DLL4: variants seen among roughly 807,000 people sequenced by gnomAD.
The protein encoded by DLL4 is delta like canonical Notch ligand 4.
Under a neutral mutation model 73.6 loss-of-function variants are expected in DLL4, and 7 were observed. The ratio of observed to expected loss-of-function variants is 0.10; its 90% confidence interval spans 0.05 to 0.18. DLL4 has a LOEUF of 0.18. DLL4 is among the 10% of genes least tolerant of loss of function. The pLI is 1.00. For synonymous variants in DLL4, 345 were observed against 374.3 expected, an observed-to-expected ratio of 0.92 and a Z score of 0.90; for missense variants, 614 against 929.9, an observed-to-expected ratio of 0.66 and a Z score of 4.42.
At position 40,938,304 on chromosome 15, in the gene DLL4, A is replaced by C. The variant is rs1446168903; in HGVS notation, c.*270A>C. ...AGATGCCACTGGGCACTGCCCTGCCAGTAGTGGCCTTCAGGGGGCTCCTTC... is the reference window on the plus strand; with the variant it reads ...AGATGCCACTGGGCACTGCCCTGCCCGTAGTGGCCTTCAGGGGGCTCCTTC... On this transcript the variant is annotated 3_prime_UTR_variant, in exon 11 of 11. Coordinates refer to ENST00000249749, the MANE Select transcript of DLL4 (RefSeq NM_019074.4). 3 of 363,492 alleles carry C rather than the reference A, an allele frequency of 8.3e-6. No homozygotes were observed. The highest frequency in any genetic ancestry group is 1.5e-5 in the Non-Finnish European group (3 of 203,502). 22.5% of individuals were successfully genotyped at this position (363,492 alleles called of 1,614,324 possible).
At chr15:40,931,809 C>T in intron 4 of DLL4, 43 bp downstream of exon 4, 1 of 1,607,414 alleles carries the variant, frequency 6.2e-7, no homozygotes, top group Non-Finnish European at 8.5e-7. Flanking sequence ...GGAGGGTCCC[C>T]TGAGGAAACA....
chr15:40,937,284 C>G (rs189239136), intron 9 of DLL4, 134 bp from the exon 10 acceptor site: 337 of 719,668 alleles, frequency 4.7e-4, no homozygotes, highest in Non-Finnish European at 7.3e-4. Flanking sequence ...TGCAGCAGCC[C>G]AGCACTGGGC....
intron 6 of DLL4, 148 bp from the exon 7 acceptor site, chr15:40,934,400 T>G: frequency 1.7e-6 from 1 of 603,336 alleles, no homozygotes; most frequent in Non-Finnish European, 2.8e-6. Context: ...AAAGATTTTA[T>G]TGGTGGTGGA....
Position 40,934,629 on chromosome 15 carries a change from C to T in DLL4, c.932C>T (p.Thr311Ile), listed in dbSNP as rs766426309. ...SNSGQRSYTC[T>I]CRPGYTGVDC... The stretch of plus-strand genomic sequence containing the variant: ...AGTGGGCAGCGAAGCTACACCTGCA[C>T]CTGTCGCCCAGGCTACACTGGTGTG... The change falls in exon 7 of 11, where the codon ACC becomes ATC. Residue 311 changes from threonine to isoleucine, a missense_variant. Around this residue, in one of 3 missense-constraint regions of DLL4, gnomAD observed 386 missense variants for 541.3 expected, o/e 0.71. Transcript: ENST00000249749. 7.4e-6 allele frequency: 12 copies of T among 1,613,818 alleles called. No homozygotes were observed. Among genetic ancestry groups the T allele is most frequent in the Non-Finnish European group, 9.3e-6 (11 of 1,179,888 alleles).
At chr15:40,934,823 G>T in intron 7 of DLL4, 75 bp from the exon 8 acceptor site, 1 of 1,585,916 alleles carries the variant, frequency 6.3e-7, no homozygotes, top group Non-Finnish European at 8.6e-7. Flanking sequence ...ATTGTGGGCA[G>T]GTGGAGCCCA....
intron 6 of DLL4, among the ~76,000 whole-genome samples, chr15:40,932,779 C>G (rs528588711): frequency 4.6e-5 from 7 of 152,124 alleles, no homozygotes; most frequent in Non-Finnish European, 8.8e-5. Flanking sequence ...CTTTCAACCC[C>G]GTAGTTACCT....
intron 6 of DLL4, 133 bp downstream of exon 6, chr15:40,932,580 T>A: frequency 4.1e-6 from 5 of 1,233,442 alleles, no homozygotes; most frequent in Non-Finnish European, 5.6e-6. Flanking sequence ...TCCAAGGATC[T>A]TGGGTCTTTT....
At chr15:40,931,788 T>C in intron 4 of DLL4, 22 bp downstream of exon 4, 1 of 1,611,936 alleles carries the variant, frequency 6.2e-7, no homozygotes, top group Non-Finnish European at 8.5e-7. Flanking sequence ...AGCTCCCACC[T>C]GTGTGGAAGG....
intron 5 of DLL4, 39 bp from the exon 6 acceptor site, chr15:40,932,278 A>C: frequency 1.9e-6 from 3 of 1,613,994 alleles, no homozygotes; most frequent in Non-Finnish European, 2.5e-6. Flanking sequence ...CCCTTGGCCA[A>C]GGCCTCTCAC....
chr15:40,938,936 T>A lies in DLL4; in HGVS notation c.*902T>A, dbSNP rs866992962. 3.7e-5 allele frequency: 4 copies of A among 108,482 alleles called. No individual in the cohort carries two copies. Among genetic ancestry groups the A allele is most frequent in the East Asian group, 2.0e-4 (1 of 4,960 alleles). The allele number at this position is 108,482 out of a possible 1,614,324, so 6.7% of individuals were successfully genotyped here. ...CAATAATATGAGTTTTTATTTTGTT[T>A]TTTTTTTTTTTTTTGTAGTTTATTT... is the stretch of plus-strand genomic sequence containing the variant. On this transcript the variant is annotated 3_prime_UTR_variant, in exon 11 of 11. Coordinates refer to ENST00000249749, the MANE Select transcript of DLL4 (RefSeq NM_019074.4).
intron 6 of DLL4, among the ~76,000 whole-genome samples, chr15:40,933,625 G>T (rs554121259): frequency 7.3e-4 from 111 of 152,082 alleles, no homozygotes; most frequent in African/African-American, 2.6e-3. Flanking sequence ...TATCTCAGCT[G>T]CCCCTCCTCC....
chr15:40,931,971 C>A (rs926497932), intron 4 of DLL4, among the ~76,000 whole-genome samples, 200 bp from the exon 5 acceptor site: 3 of 152,230 alleles, frequency 2.0e-5, no homozygotes. Context: ...CCACAAGAAC[C>A]CCATCATGAC....
At chr15:40,935,927 G>A (rs2140371276) in intron 8 of DLL4, among the ~76,000 whole-genome samples, 1 of 152,346 alleles carries the variant, frequency 6.6e-6, no homozygotes, top group Non-Finnish European at 1.5e-5. Context: ...ACACGGTTAA[G>A]CAGCAAGTGC....
chr15:40,931,963 A>T (rs1892777026), intron 4 of DLL4, among the ~76,000 whole-genome samples, 197 bp downstream of exon 4: 1 of 152,172 alleles, frequency 6.6e-6, no homozygotes, highest in African/African-American at 2.4e-5. Flanking sequence ...GCCAAAGCCC[A>T]CAAGAACCCC....
rs542855263 is a variant in DLL4, at chr15:40,930,772, G to A, written c.394+90G>A. ...TCTAGGCGGGGGAAGTGCGGGCTTG[G>A]GGGTGGGAGGCAGGACGCTTAGCTT... On this transcript the variant is annotated intron_variant, in intron 3 of 10. Transcript: ENST00000249749. This position sits in a 1 kb window ranked among gnomAD's most constrained non-coding sequence, Gnocchi z 5.7. The A allele has an allele frequency of 7.4e-7, 1 of 1,353,054 alleles. No individual in the cohort carries two copies. The highest frequency in any genetic ancestry group is 1.2e-5 in the South Asian group (1 of 80,240). 83.8% of individuals were successfully genotyped at this position (1,353,054 alleles called of 1,614,324 possible).
intron 6 of DLL4, among the ~76,000 whole-genome samples, chr15:40,933,095 TAGCCAGCTGC>T (rs1349956707): frequency 3.3e-5 from 5 of 151,660 alleles, no homozygotes; most frequent in East Asian, 1.9e-4. Context: ...TGCATCCTGC[TAGCCAGCTGC>T]AGCCAGCTGC....
At chr15:40,932,922 T>A (rs978346967) in intron 6 of DLL4, among the ~76,000 whole-genome samples, 3 of 152,190 alleles carry the variant, frequency 2.0e-5, no homozygotes, top group Non-Finnish European at 4.4e-5. Flanking sequence ...GAGTGGCATC[T>A]AACCGACTTT....
chr15:40,934,598 T>A lies in DLL4; in HGVS notation c.901T>A (p.Ser301Thr). The change falls in exon 7 of 11, where the codon TCC becomes ACC. Residue 301 changes from serine to threonine, a missense_variant. Ser to Thr is a moderately conservative substitution (Grantham distance 58, BLOSUM62 1). Around this residue, in one of 3 missense-constraint regions of DLL4, gnomAD observed 386 missense variants for 541.3 expected, o/e 0.71. Transcript: ENST00000249749. ...CCCATGCAAGAATGGGGCAACGTGC[T>A]CCAACAGTGGGCAGCGAAGCTACAC... ...HSPCKNGATC[S>T]NSGQRSYTCT... 2 of 1,613,870 alleles carry A rather than the reference T, an allele frequency of 1.2e-6. No homozygotes were observed. Among genetic ancestry groups the A allele is most frequent in the Non-Finnish European group, 1.7e-6 (2 of 1,179,848 alleles).
In DLL4 at chr15:40,929,463, C is replaced by A; in HGVS notation, c.-206C>A. On this transcript the variant is annotated 5_prime_UTR_variant, in exon 1 of 11. Transcript: ENST00000249749. The surrounding 1 kb of genome is among the most constrained non-coding windows in gnomAD (Gnocchi z 7.1). The stretch of plus-strand genomic sequence containing the variant: ...CAGGATTAGACAGAAGACGCGTCCT[C>A]GGCGCGGTCGCCGCCCAGCCGTAGT... The A allele has an allele frequency of 1.8e-6, 1 of 557,300 alleles. No homozygotes were observed. The highest frequency in any genetic ancestry group is 3.1e-6 in the Non-Finnish European group (1 of 323,572). The allele number at this position is 557,300 out of a possible 1,614,324, so 34.5% of individuals were successfully genotyped here.
Sources: allele counts gnomAD v4.1 joint callset (sites outside exome capture counted in the v4.1 genomes callset), GRCh38; gene constraint gnomAD v4.1.1; regional missense constraint gnomAD v4.1.1; non-coding constraint Gnocchi (gnomAD v3.1); transcripts MANE v1.5; gene names NCBI Gene and HGNC (gene_info 2026-07-23, HGNC 2026-07-21).